Variants in MISP observed in about 807,000 individuals in gnomAD.
MISP encodes the protein mitotic spindle positioning.
Under a neutral mutation model 49.3 loss-of-function variants are expected in MISP, and 51 were observed. The ratio of observed to expected loss-of-function variants is 1.03; its 90% CI spans 0.83 to 1.31. MISP has a LOEUF of 1.31. Among genes scored for constraint, MISP ranks in the 50% most tolerant of loss-of-function variants. MISP has a pLI of 0.00. For missense variants in MISP, 1,084 were observed against 935.1 expected, an observed-to-expected ratio of 1.16 and a Z score of -2.08; for synonymous variants, 444 against 392.6, an observed-to-expected ratio of 1.13 and a Z score of -1.55.
At chr19:755,284 C>G (rs192315035) in intron 1 of MISP, among the ~76,000 whole-genome samples, 2 of 152,322 alleles carry the variant, frequency 1.3e-5, no homozygotes, top group East Asian at 1.9e-4. Context: ...GGGTGTCACC[C>G]GCTCGCTCCA....
rs768708843 is a variant in MISP, at chr19:758,744, G to A, written c.1780+18G>A. The A allele has an allele frequency of 7.5e-6, 12 of 1,598,722 alleles. No individual in the cohort carries two copies. The East Asian group carries it at 2.5e-4, about 33-fold the overall frequency. On this transcript the variant is annotated intron_variant, in intron 2 of 4. Coordinates refer to ENST00000215582, the MANE Select transcript of MISP (RefSeq NM_173481.4). ...GGCATCCGGTGAGAAGGGGCTCCAG[G>A]GAGTGGCTGCTTGGCTCAGGGTCTC...
In MISP at chr19:757,635, C is replaced by T. The variant is rs567431957; in HGVS notation, c.689C>T (p.Ala230Val). ...GGCACAACCCCAGGGGCCAGCCAGG[C>T]CCCCAAGGCCTTCAACAAGCCCCAC... ...PAGTTPGASQ[A>V]PKAFNKPHLA... The change falls in exon 2 of 5, where the codon GCC (alanine) becomes GTC (valine). Residue 230 changes from alanine to valine, a missense_variant. Physicochemically the swap from Ala to Val is moderately conservative, Grantham distance 64. Transcript: ENST00000215582. 3.7e-6 allele frequency: 6 copies of T among 1,612,640 alleles called. No individual in the cohort carries two copies. The Admixed American group carries it at 5.0e-5, about 13-fold the overall frequency.
intron 1 of MISP, among the ~76,000 whole-genome samples, chr19:754,406 G>C (rs1276849771): frequency 6.6e-6 from 1 of 151,730 alleles, no homozygotes; most frequent in Non-Finnish European, 1.5e-5. Flanking sequence ...GAGCTTGCAG[G>C]GAGCCGAGAT....
rs769479456 is a variant in MISP, at chr19:758,445, G to A, written c.1499G>A (p.Arg500Gln). 76 of 1,614,072 alleles carry A rather than the reference G, an allele frequency of 4.7e-5. No individual in the cohort carries two copies. Among genetic ancestry groups the A allele is most frequent in the Middle Eastern group, 1.6e-4 (1 of 6,082 alleles). Residue 500 changes from arginine (R) to glutamine (Q), a missense_variant, in exon 2 of 5, where the codon CGG becomes CAG. Arg to Gln is a conservative substitution (Grantham distance 43). Transcript: ENST00000215582. ...GCPQANRGVVRWEYFRLRPLR... is the reference protein window; with the variant it reads ...GCPQANRGVVQWEYFRLRPLR... ...CCGCAAGCCAACAGGGGTGTCGTGCGGTGGGAGTACTTCCGCCTGCGTCCT... is the reference window on the plus strand; with the variant it reads ...CCGCAAGCCAACAGGGGTGTCGTGCAGTGGGAGTACTTCCGCCTGCGTCCT...
chr19:754,812 A>AGAGGAGGAGGGCGAGGTTTGGGGTG (rs2033520335), intron 1 of MISP, among the ~76,000 whole-genome samples: 1 of 151,988 alleles, frequency 6.6e-6, no homozygotes, highest in African/African-American at 2.4e-5. Flanking sequence ...AGCTGCAGGT[A>AGAGGAGGAGGGCGAGGTTTGGGGTG]GAGGAGGAGG....
intron 1 of MISP, among the ~76,000 whole-genome samples, chr19:753,799 C>A (rs2033500707): frequency 6.6e-6 from 1 of 151,776 alleles, no homozygotes; most frequent in Non-Finnish European, 1.5e-5. Flanking sequence ...TCTTTTGAGA[C>A]AGGGTCTTTC....
intron 1 of MISP, 67 bp downstream of exon 1, chr19:751,238 T>G (rs1281247808): frequency 6.6e-6 from 1 of 152,046 alleles, no homozygotes; most frequent in African/African-American, 2.4e-5. Context: ...GATCCACATT[T>G]GGCGTGGGAG....
chr19:749,171 T>C (rs2033421625), upstream of MISP, among the ~76,000 whole-genome samples: 1 of 152,024 alleles, frequency 6.6e-6, no homozygotes. Context: ...GAGCCCTGAG[T>C]GGGAGGCCAG....
In MISP at chr19:756,684, T is replaced by C. The variant is rs189480274; in HGVS notation, c.-57-206T>C. 1.7e-3 allele frequency among the ~76,000 whole-genome samples: 259 copies of C among 149,014 alleles called. 1 individual carries two copies. The highest frequency in any genetic ancestry group is 6.5e-3 in the African/African-American group (253 of 38,734). ...AGGTTAGAGAATGGGATGCACTGAT[T>C]GGCTGGACTGTCACTTACGCACCCC... On this transcript the variant is annotated intron_variant, in intron 1 of 4. Coordinates refer to ENST00000215582, the MANE Select transcript of MISP (RefSeq NM_173481.4).
chr19:754,642 A>G (rs777602501), intron 1 of MISP, among the ~76,000 whole-genome samples: 8 of 152,112 alleles, frequency 5.3e-5, no homozygotes, highest in Non-Finnish European at 7.4e-5. Flanking sequence ...AAAAGACAAT[A>G]CCTAAGACGG....
chr19:760,669 A>G (rs1042735023), intron 3 of MISP, among the ~76,000 whole-genome samples: 2 of 151,192 alleles, frequency 1.3e-5, no homozygotes, highest in African/African-American at 2.4e-5. Context: ...CTGGCCACAG[A>G]TATTTACTTC....
At chr19:756,444 T>C (rs1245806316) in intron 1 of MISP, among the ~76,000 whole-genome samples, 1 of 152,082 alleles carries the variant, frequency 6.6e-6, no homozygotes, top group Admixed American at 6.6e-5. Flanking sequence ...CACTTACCCA[T>C]CCCTGAACCA....
rs1247106969 is a variant in MISP, at chr19:763,803, G to C, written c.*213G>C. 1.8e-6 allele frequency: 1 copy of C among 550,868 alleles called. No homozygotes were observed. The highest frequency in any genetic ancestry group is 3.0e-5 in the East Asian group (1 of 33,402). The allele number at this position is 550,868 out of a possible 1,614,324, so 34.1% of individuals were successfully genotyped here. ...CCTTTAGAAATGTTTCTGCCTTTGG[G>C]GTCTAAAGCTTTTGGGGATGAAATG... On this transcript the variant is annotated 3_prime_UTR_variant, in exon 5 of 5. Coordinates refer to ENST00000215582, the MANE Select transcript of MISP (RefSeq NM_173481.4).
rs1207687542 is a variant in MISP, at chr19:757,631, C to T, written c.685C>T (p.Gln229Ter). 6.2e-7 allele frequency: 1 copy of T among 1,612,690 alleles called. No homozygotes were observed. The highest frequency in any genetic ancestry group is 8.5e-7 in the Non-Finnish European group (1 of 1,179,588). Residue 229 changes from glutamine (Q) to a stop codon, truncating the protein, a stop_gained, in exon 2 of 5, where the codon CAG (glutamine) becomes TAG (stop). Transcript: ENST00000215582. LOFTEE classifies it high-confidence loss of function. ...TPAGTTPGAS[Q>*]APKAFNKPHL... Reference sequence around the variant, plus strand: ...TGCAGGCACAACCCCAGGGGCCAGCCAGGCCCCCAAGGCCTTCAACAAGCC... The same window carrying T: ...TGCAGGCACAACCCCAGGGGCCAGCTAGGCCCCCAAGGCCTTCAACAAGCC...
intron 1 of MISP, 32 bp downstream of exon 1, chr19:751,203 G>A (rs1039848856): frequency 1.3e-5 from 2 of 152,472 alleles, no homozygotes; most frequent in African/African-American, 4.8e-5. Context: ...GCCGGGCCGG[G>A]CGGGGATCCT....
intron 4 of MISP, among the ~76,000 whole-genome samples, chr19:762,962 A>G (rs1430484972): frequency 2.6e-5 from 4 of 152,154 alleles, no homozygotes; most frequent in Admixed American, 2.6e-4. Context: ...ATGAGCCACT[A>G]TCGCCTGACC....
chr19:754,418 G>A (rs1180420799), intron 1 of MISP, among the ~76,000 whole-genome samples: 5 of 151,614 alleles, frequency 3.3e-5, no homozygotes, highest in Admixed American at 2.0e-4. Context: ...AGCCGAGATC[G>A]CGCCACTGCA....
rs775161053 is a variant in MISP at position 757,386 on chromosome 19, TC to T, written c.442del (p.Gln148ArgfsTer54). ...CDLERERWAV[I>X]QGQAVRKSST... ...CTGGAGCGGGAGCGCTGGGCCGTCA[TC>T]CAGGGCCAGGCAGTCAGGAAGAGCA... On this transcript the variant is annotated frameshift_variant, in exon 2 of 5. Coordinates refer to ENST00000215582, the MANE Select transcript of MISP (RefSeq NM_173481.4). LOFTEE classifies it high-confidence loss of function. The T allele has an allele frequency of 1.9e-6, 3 of 1,610,676 alleles. No homozygotes were observed. The highest frequency in any genetic ancestry group is 2.7e-5 in the African/African-American group (2 of 74,834).
At chr19:759,795 C>A in intron 2 of MISP, 114 bp from the exon 3 acceptor site, 1 of 1,240,050 alleles carries the variant, frequency 8.1e-7, no homozygotes, top group Non-Finnish European at 1.1e-6. Flanking sequence ...CCCGGATAGT[C>A]ATCTGCTCTG....
Sources: allele counts gnomAD v4.1 joint callset (sites outside exome capture counted in the v4.1 genomes callset), GRCh38; gene constraint gnomAD v4.1.1; transcripts MANE v1.5; gene names NCBI Gene and HGNC (gene_info 2026-07-23, HGNC 2026-07-21).